The following PTPRN2 variants were observed in gnomAD, a reference collection of about 807,000 sequenced individuals.
PTPRN2 encodes the protein receptor-type tyrosine-protein phosphatase N2.
In PTPRN2, 74 loss-of-function variants were observed where a neutral mutation model predicts 118.8. The observed-to-expected ratio is 0.62, with a 90% CI of 0.52 to 0.76. The LOEUF is 0.76. Among genes scored for constraint, PTPRN2 ranks in the 30% least tolerant of loss-of-function variants. The probability of loss-of-function intolerance (pLI) is 0.00; values close to 1 mark genes in which losing one functional copy is unlikely to be tolerated. For missense variants in PTPRN2, 1,481 were observed against 1,394.4 expected (o/e 1.06, Z -0.99); for synonymous variants, 641 against 608.0 (o/e 1.05, Z -0.80).
intron 11 of PTPRN2, among the ~76,000 whole-genome samples, chr7:157,972,062 C>T (rs908663282): frequency 3.3e-5 from 5 of 152,204 alleles, no homozygotes; most frequent in Admixed American, 6.5e-5. Flanking sequence ...GAGGGCAAAT[C>T]GTGCGCTGCC....
intron 3 of PTPRN2, among the ~76,000 whole-genome samples, chr7:158,303,914 C>T (rs1188174995): frequency 6.6e-6 from 1 of 152,258 alleles, no homozygotes; most frequent in Non-Finnish European, 1.5e-5. Flanking sequence ...ATGTGGGTGA[C>T]CAATGGCCCA....
intron 7 of PTPRN2, among the ~76,000 whole-genome samples, chr7:158,137,688 C>G (rs1248271243): frequency 1.3e-5 from 2 of 152,198 alleles, no homozygotes; most frequent in Admixed American, 1.3e-4. Flanking sequence ...CCCCTCTGCA[C>G]CCGTGCAGAG....
intron 17 of PTPRN2, 95 bp from the exon 18 acceptor site, chr7:157,578,235 T>C: frequency 7.3e-7 from 1 of 1,374,434 alleles, no homozygotes. Flanking sequence ...CCAAATTTAT[T>C]CCATTCACAG....
intron 2 of PTPRN2, among the ~76,000 whole-genome samples, chr7:158,373,526 G>T (rs566044985): frequency 6.6e-6 from 1 of 152,246 alleles, no homozygotes; most frequent in African/African-American, 2.4e-5. Flanking sequence ...AGTTACTAAG[G>T]GTTCCTTTGC....
At position 157,598,362 on chromosome 7, in the gene PTPRN2, A is replaced by G. The variant is rs1049372445; in HGVS notation, c.2419-3047T>C. The stretch of plus-strand genomic sequence containing the variant: ...CCGGCTGTGGGAAAAGGCCTGTCAT[A>G]TCTCCAGGCCTCAGTCTCCGTATCT... On this transcript the variant is annotated intron_variant, in intron 16 of 22. Coordinates refer to ENST00000389418, the MANE Select transcript of PTPRN2 (RefSeq NM_002847.5). The surrounding 1 kb of genome is among the most constrained non-coding windows in gnomAD (Gnocchi z 5.2). Among the ~76,000 whole-genome samples, 2 of 151,436 alleles carry G rather than the reference A, an allele frequency of 1.3e-5. No individual in the cohort carries two copies. Among genetic ancestry groups the G allele is most frequent in the African/African-American group, 4.9e-5 (2 of 40,708 alleles).
chr7:158,081,925 A>G (rs1812871678), intron 10 of PTPRN2, among the ~76,000 whole-genome samples: 1 of 152,210 alleles, frequency 6.6e-6, no homozygotes, highest in South Asian at 2.1e-4. Context: ...TTTTGAAAAA[A>G]TACCTTACTT....
intron 3 of PTPRN2, among the ~76,000 whole-genome samples, chr7:158,267,593 C>A (rs6976380): frequency 6.6e-6 from 1 of 152,168 alleles, no homozygotes; most frequent in African/African-American, 2.4e-5. Flanking sequence ...AGCATCTGAG[C>A]GGGATCACCG....
At chr7:157,771,498 C>G (rs1802800330) in intron 12 of PTPRN2, among the ~76,000 whole-genome samples, 1 of 152,214 alleles carries the variant, frequency 6.6e-6, no homozygotes, top group African/African-American at 2.4e-5. Flanking sequence ...CAGCCACCCA[C>G]CATGTCACGG....
At chr7:157,965,107 A>G (rs1196993906) in intron 11 of PTPRN2, among the ~76,000 whole-genome samples, 1 of 152,208 alleles carries the variant, frequency 6.6e-6, no homozygotes, top group Non-Finnish European at 1.5e-5. Flanking sequence ...CAGGGACCTG[A>G]AAACAGGATA....
At chr7:158,461,468 C>T (rs1586730142) in intron 2 of PTPRN2, among the ~76,000 whole-genome samples, 1 of 150,924 alleles carries the variant, frequency 6.6e-6, no homozygotes, top group East Asian at 2.0e-4. Flanking sequence ...TGCACTCCAG[C>T]CTGGGCAACA....
In PTPRN2 at chr7:157,997,693, G is replaced by T. The variant is rs996435824; in HGVS notation, c.1723+83605C>A. Among the ~76,000 whole-genome samples, 126 of 151,442 alleles carry T rather than the reference G, an allele frequency of 8.3e-4. 1 individual carries two copies. Among genetic ancestry groups the T allele is most frequent in the Non-Finnish European group, 2.9e-4 (20 of 67,898 alleles). On this transcript the variant is annotated intron_variant, in intron 11 of 22. Transcript: ENST00000389418. ...AGGAGGCCAGGGAGGGGCAGAGCCT[G>T]GGGGGAGGAGTGCAGGGAGGGGCAG...
intron 2 of PTPRN2, among the ~76,000 whole-genome samples, chr7:158,411,146 G>A (rs1333423866): frequency 6.6e-6 from 1 of 152,036 alleles, no homozygotes; most frequent in East Asian, 1.9e-4. Context: ...CTGTGTCATG[G>A]GACCCTTCAC....
chr7:157,657,659 CAT>C (rs1795631863), intron 13 of PTPRN2, among the ~76,000 whole-genome samples: 1 of 119,124 alleles, frequency 8.4e-6, no homozygotes, highest in African/African-American at 3.3e-5. Flanking sequence ...TATACACACA[CAT>C]ACACCCCACA....
chr7:157,819,611 AC>A (rs918374086), intron 12 of PTPRN2, among the ~76,000 whole-genome samples: 14 of 149,840 alleles, frequency 9.3e-5, no homozygotes, highest in Non-Finnish European at 1.8e-4. Context: ...ACAAGGGTAC[AC>A]CAAGCGGCCA....
At chr7:158,001,857 C>T (rs1408319721) in intron 11 of PTPRN2, among the ~76,000 whole-genome samples, 2 of 152,334 alleles carry the variant, frequency 1.3e-5, no homozygotes, top group African/African-American at 2.4e-5. Context: ...AGGAGGTGCT[C>T]AGTAAACTAT....
At chr7:158,361,712 C>T (rs1202674787) in intron 2 of PTPRN2, among the ~76,000 whole-genome samples, 1 of 152,178 alleles carries the variant, frequency 6.6e-6, no homozygotes, top group Non-Finnish European at 1.5e-5. Flanking sequence ...GGATCCTAGG[C>T]AGGCATGGAT....
Position 157,881,579 on chromosome 7 carries a change from A to C in PTPRN2, c.1788+17094T>G, listed in dbSNP as rs1016155219. Among the ~76,000 whole-genome samples, 3 of 152,180 alleles carry C rather than the reference A, an allele frequency of 2.0e-5. No individual in the cohort carries two copies. The highest frequency in any genetic ancestry group is 4.8e-5 in the African/African-American group (2 of 41,438). On this transcript the variant is annotated intron_variant, in intron 12 of 22. Coordinates refer to ENST00000389418, the MANE Select transcript of PTPRN2 (RefSeq NM_002847.5). The surrounding 1 kb of genome is among the most constrained non-coding windows in gnomAD (Gnocchi z 4.7). ...ATGGTCAACATGGCAACACCCCCTC[A>C]GTACACCCTAGACATCTGAGGCCAA...
At chr7:157,759,157 C>A (rs28572389) in intron 12 of PTPRN2, among the ~76,000 whole-genome samples, 1 of 152,256 alleles carries the variant, frequency 6.6e-6, no homozygotes, top group African/African-American at 2.4e-5. Flanking sequence ...GCCGCTCCCC[C>A]CTTCCCTCTC....
At chr7:157,663,852 A>T (rs1259120394) in intron 13 of PTPRN2, among the ~76,000 whole-genome samples, 1 of 152,236 alleles carries the variant, frequency 6.6e-6, no homozygotes, top group Non-Finnish European at 1.5e-5. Flanking sequence ...TTACCTTAAC[A>T]TTTAAAAATT....
Sources: gnomAD v4.1 joint callset for allele counts (sites outside exome capture counted in the v4.1 genomes callset) on GRCh38, gnomAD v4.1.1 for gene constraint, Gnocchi (gnomAD v3.1) non-coding constraint, MANE v1.5 for transcripts, NCBI Gene and HGNC (gene_info 2026-07-23, HGNC 2026-07-21) for gene names.